Variants in ZNF678 observed in about 807,000 individuals in gnomAD.
The protein encoded by ZNF678 is zinc finger protein 678, also known as hypothetical protein MGC42493.
In ZNF678, 5 loss-of-function variants were observed where a neutral mutation model predicts 3.0. The ratio of observed to expected loss-of-function variants is 1.69; its 90% CI spans 0.88 to 3.56. The LOEUF (loss-of-function observed/expected upper bound fraction) is 3.56. Ranked by LOEUF, ZNF678 falls within the 30% of genes most tolerant of loss-of-function variation. The pLI, the probability that ZNF678 is intolerant of heterozygous loss-of-function variation, is 0.00. For synonymous variants in ZNF678, 218 were observed against 199.6 expected (o/e 1.09, Z -0.78); for missense variants, 593 against 605.0 (o/e 0.98, Z 0.21).
At chr1:227,565,815 A>T (rs1183054230) in intron 1 of ZNF678, among the ~76,000 whole-genome samples, 1 of 152,096 alleles carries the variant, frequency 6.6e-6, no homozygotes, top group Non-Finnish European at 1.5e-5. Context: ...GCTGGAGCGC[A>T]GTGGCCTGAT....
chr1:227,615,139 T>C (rs1451669580), intron 1 of ZNF678, among the ~76,000 whole-genome samples: 2 of 152,182 alleles, frequency 1.3e-5, no homozygotes, highest in African/African-American at 2.4e-5. Flanking sequence ...GTCTGACTGA[T>C]TGTCAGCCTG....
At chr1:227,571,769 G>A (rs1186548422) in intron 1 of ZNF678, among the ~76,000 whole-genome samples, 2 of 152,178 alleles carry the variant, frequency 1.3e-5, no homozygotes, top group African/African-American at 4.8e-5. Context: ...AAAGCCGGGC[G>A]CGGTGGCTCA....
downstream of ZNF678, among the ~76,000 whole-genome samples, chr1:227,664,351 C>T (rs1237306805): frequency 1.3e-5 from 2 of 152,124 alleles, no homozygotes; most frequent in Non-Finnish European, 2.9e-5. Context: ...CTGACCATCT[C>T]ACTAAGGCTT....
intron 1 of ZNF678, among the ~76,000 whole-genome samples, chr1:227,593,283 T>C (rs563146948): frequency 2.6e-5 from 4 of 152,372 alleles, no homozygotes; most frequent in African/African-American, 9.6e-5. Context: ...GATTATTTGA[T>C]CCATTTTAAC....
Position 227,654,697 on chromosome 1 carries a change from A to G in ZNF678, c.447A>G (p.Gly149=). 1 of 1,613,252 alleles carries G rather than the reference A, an allele frequency of 6.2e-7. No individual in the cohort carries two copies. The stretch of plus-strand genomic sequence containing the variant: ...CAAAACATAAAAGAATTCATACTGG[A>G]GAGAAACCCTACAAATGTGACGAAT... ...NLTKHKRIHT[G]EKPYKCDECG... The change falls in exon 4 of 4, where the codon GGA becomes GGG. Residue 149 remains glycine (G), a synonymous_variant. Transcript: ENST00000343776.
rs934919893 is a variant in ZNF678, at chr1:227,654,356, C to G, written c.106C>G (p.Gln36Glu). 8 of 1,560,650 alleles carry G rather than the reference C, an allele frequency of 5.1e-6. No individual in the cohort carries two copies. Among genetic ancestry groups the G allele is most frequent in the African/African-American group, 1.4e-5 (1 of 72,324 alleles). The change falls in exon 4 of 4, where the codon CAA (glutamine) becomes GAA (glutamate). Residue 36 changes from glutamine to glutamate, a missense_variant. Transcript: ENST00000343776. Reference sequence around the variant, plus strand: ...TTCAGCTATTTTATCTTATTCCATTCAAGACCTTTTGCCAGAGCAGGATAT... The same window carrying G: ...TTCAGCTATTTTATCTTATTCCATTGAAGACCTTTTGCCAGAGCAGGATAT... The part of the protein sequence containing the change: ...VYTAILSYSI[Q>E]DLLPEQDMKD...
chr1:227,635,214 T>A (rs10799434), intron 1 of ZNF678, among the ~76,000 whole-genome samples: 72,636 of 151,606 alleles, frequency 0.48, 18,504 homozygotes, highest in African/African-American at 0.66. Flanking sequence ...TATGCACATC[T>A]TTTAAAAAGC....
intron 1 of ZNF678, among the ~76,000 whole-genome samples, chr1:227,572,539 G>C (rs1656875071): frequency 6.6e-6 from 1 of 152,176 alleles, no homozygotes; most frequent in Admixed American, 6.5e-5. Context: ...GCCACTGCCT[G>C]GTGGGGAAGA....
chr1:227,629,654 G>A (rs1394862952), intron 1 of ZNF678, among the ~76,000 whole-genome samples: 2 of 152,246 alleles, frequency 1.3e-5, no homozygotes, highest in African/African-American at 4.8e-5. Flanking sequence ...GTGATGGCAT[G>A]GGCCGGCGCT....
intron 2 of ZNF678, 123 bp downstream of exon 2, chr1:227,646,793 G>A: frequency 3.5e-6 from 3 of 846,214 alleles, no homozygotes; most frequent in South Asian, 1.7e-5. Flanking sequence ...CTGCTTCTAA[G>A]GAAAACTTGG....
At position 227,598,817 on chromosome 1, in the gene ZNF678, G is replaced by T. The variant is rs868306594; in HGVS notation, c.-164+35093G>T. ...CCTCATTTTCACAATCAGAAGAACTGCTGGAAGAATTAGAGCTTAATGAAG... is the reference window on the plus strand; with the variant it reads ...CCTCATTTTCACAATCAGAAGAACTTCTGGAAGAATTAGAGCTTAATGAAG... On this transcript the variant is annotated intron_variant, in intron 1 of 3. Transcript: ENST00000343776. The T allele has an allele frequency of 8.3e-5, 47 of 569,474 alleles. 1 individual carries two copies. The Middle Eastern group carries it at 2.5e-3, about 30-fold the overall frequency. The allele number at this position is 569,474 out of a possible 1,614,324, so 35.3% of individuals were successfully genotyped here.
At chr1:227,634,858 T>C (rs1401639390) in intron 1 of ZNF678, among the ~76,000 whole-genome samples, 1 of 152,170 alleles carries the variant, frequency 6.6e-6, no homozygotes, top group Non-Finnish European at 1.5e-5. Flanking sequence ...ACCCCAGGGC[T>C]TTGAGAAAAC....
chr1:227,569,528 A>C (rs1656781650), intron 1 of ZNF678, among the ~76,000 whole-genome samples: 1 of 152,122 alleles, frequency 6.6e-6, no homozygotes, highest in African/African-American at 2.4e-5. Flanking sequence ...CTTTCACCAC[A>C]TTGGTTGAAT....
chr1:227,638,550 C>T lies in ZNF678; in HGVS notation c.-163-7994C>T, dbSNP rs943768297. Among the ~76,000 whole-genome samples the T allele has an allele frequency of 6.6e-6, 1 of 151,886 alleles. No homozygotes were observed. The highest frequency in any genetic ancestry group is 6.5e-5 in the Admixed American group (1 of 15,268). On this transcript the variant is annotated intron_variant, in intron 1 of 3. Transcript: ENST00000343776. The surrounding 1 kb of genome is among the most constrained non-coding windows in gnomAD (Gnocchi z 4.2). The stretch of plus-strand genomic sequence containing the variant: ...GCAGACGGTGGTGTGGTGTTTTGCG[C>T]CTAAACAGCGGGGTTGACTACAGAT...
chr1:227,598,668 G>A, intron 1 of ZNF678: 1 of 532,352 alleles, frequency 1.9e-6, no homozygotes, highest in Non-Finnish European at 3.4e-6. Flanking sequence ...TTTCTCCGTT[G>A]CATCTTTTGA....
intron 1 of ZNF678, among the ~76,000 whole-genome samples, chr1:227,631,602 T>G (rs1290470597): frequency 6.6e-6 from 1 of 152,242 alleles, no homozygotes; most frequent in Non-Finnish European, 1.5e-5. Flanking sequence ...TGTAGGAATA[T>G]GCCCTAATTA....
chr1:227,679,186 G>GA (rs1415600967), downstream of ZNF678, among the ~76,000 whole-genome samples: 16 of 150,050 alleles, frequency 1.1e-4, no homozygotes, highest in East Asian at 1.9e-4. Context: ...AGAGTTAATA[G>GA]AAAAAAAAAG....
downstream of ZNF678, among the ~76,000 whole-genome samples, chr1:227,679,590 A>G (rs1363748758): frequency 4.0e-5 from 6 of 151,350 alleles, no homozygotes; most frequent in Non-Finnish European, 8.8e-5. Context: ...AGGGACAGGA[A>G]TTGCTCACTC....
At chr1:227,600,990 G>A (rs1312607342) in intron 1 of ZNF678, among the ~76,000 whole-genome samples, 2 of 152,146 alleles carry the variant, frequency 1.3e-5, no homozygotes, top group Non-Finnish European at 2.9e-5. Flanking sequence ...TCTGCATATG[G>A]CTAGCCAGTT....
Sources: allele counts gnomAD v4.1 joint callset (sites outside exome capture counted in the v4.1 genomes callset), GRCh38; gene constraint gnomAD v4.1.1; non-coding constraint Gnocchi (gnomAD v3.1); transcripts MANE v1.5; gene names NCBI Gene and HGNC (gene_info 2026-07-23, HGNC 2026-07-21).